TRIM9: variants seen among roughly 807,000 people sequenced by gnomAD.
TRIM9 encodes E3 ubiquitin-protein ligase TRIM9.
TRIM9 carries 26 observed loss-of-function variants against 78.3 expected under a neutral mutation model. That is an observed-to-expected ratio of 0.33 (90% CI 0.24 to 0.46). TRIM9 has a LOEUF of 0.46. Ranked by LOEUF, TRIM9 falls within the 20% of genes least tolerant of loss-of-function variation. The probability of loss-of-function intolerance (pLI) is 1.00; values close to 1 mark genes in which losing one functional copy is unlikely to be tolerated. For synonymous variants in TRIM9, 398 were observed against 416.5 expected (o/e 0.96, Z 0.54); for missense variants, 787 against 1,036.4 (o/e 0.76, Z 3.30).
At chr14:51,037,861 G>A (rs141796240) in intron 1 of TRIM9, among the ~76,000 whole-genome samples, 13 of 152,126 alleles carry the variant, frequency 8.5e-5, no homozygotes, top group African/African-American at 2.9e-4. Flanking sequence ...GGTAAAAGCC[G>A]TTCTTGTTAC....
chr14:50,982,108 G>A lies in TRIM9; in HGVS notation c.1859-5C>T, dbSNP rs373565283. ...GGTCGAAAGCAAACCAGGCCACTGGGAACAACAGAAGGGAATCAGGTTATT... is the reference window on the plus strand; with the variant it reads ...GGTCGAAAGCAAACCAGGCCACTGGAAACAACAGAAGGGAATCAGGTTATT... On this transcript the variant is annotated splice_polypyrimidine_tract_variant and splice_region_variant and intron_variant, in intron 10 of 12. Coordinates refer to ENST00000684578, the MANE Select transcript of TRIM9 (RefSeq NM_001387360.1). 407 of 1,613,404 alleles carry A rather than the reference G, an allele frequency of 2.5e-4. 4 individuals are homozygous for A. The highest frequency in any genetic ancestry group is 1.7e-3 in the South Asian group (158 of 91,042).
rs137967157 is a variant in TRIM9, at chr14:51,094,214, C to T, written c.726G>A (p.Val242=). 1.1e-5 allele frequency: 17 copies of T among 1,614,128 alleles called. No individual in the cohort carries two copies. Among genetic ancestry groups the T allele is most frequent in the Admixed American group, 5.0e-5 (3 of 60,014 alleles). ...GGTAGCACACGGGCATCTTGCATTG[C>T]ACGCAGTACATGCTGTGGTTCTCCA... ...HELENHSMYC[V]QCKMPVCYQC... The change falls in exon 1 of 13, where the codon GTG becomes GTA. Residue 242 remains valine (V), a synonymous_variant. Transcript: ENST00000684578.
At chr14:51,033,971 T>C (rs2058939153) in intron 1 of TRIM9, among the ~76,000 whole-genome samples, 1 of 152,224 alleles carries the variant, frequency 6.6e-6, no homozygotes, top group Non-Finnish European at 1.5e-5. Flanking sequence ...CATGTATCTG[T>C]CCACAAAATA....
intron 1 of TRIM9, among the ~76,000 whole-genome samples, chr14:51,027,115 T>C (rs906404231): frequency 6.7e-6 from 1 of 149,530 alleles, no homozygotes; most frequent in African/African-American, 2.5e-5. Flanking sequence ...GCGTGCTTAA[T>C]AAATGCTGGC....
At chr14:50,988,444 G>C (rs2053016513) in intron 7 of TRIM9, 1 of 152,070 alleles carries the variant, frequency 6.6e-6, no homozygotes, top group African/African-American at 2.4e-5. Flanking sequence ...TTAGTAACTT[G>C]GCATTAAGAT....
chr14:50,988,594 G>A (rs977662491), intron 7 of TRIM9, among the ~76,000 whole-genome samples: 1 of 128,176 alleles, frequency 7.8e-6, no homozygotes, highest in Non-Finnish European at 1.6e-5. Flanking sequence ...TTTTTTTTGA[G>A]TTTTTTCCCC....
chr14:51,076,160 C>A (rs11848207), intron 1 of TRIM9, among the ~76,000 whole-genome samples: 4,565 of 152,114 alleles, frequency 0.03, 243 homozygotes, highest in African/African-American at 0.1. Context: ...ATGAGGAAAC[C>A]GAGGTACAGA....
chr14:51,038,046 G>A (rs2059300547), intron 1 of TRIM9, among the ~76,000 whole-genome samples: 1 of 152,106 alleles, frequency 6.6e-6, no homozygotes, highest in Non-Finnish European at 1.5e-5. Context: ...CCTCTAAAAT[G>A]TCCATGCCCG....
intron 8 of TRIM9, among the ~76,000 whole-genome samples, chr14:50,985,661 T>C (rs1596099101): frequency 6.6e-6 from 1 of 152,204 alleles, no homozygotes; most frequent in Admixed American, 6.5e-5. Context: ...CTGCATGTGA[T>C]GACAGAGCGG....
At chr14:50,978,804 C>T (rs1006355888) in intron 12 of TRIM9, 3 of 636,468 alleles carry the variant, frequency 4.7e-6, no homozygotes, top group Non-Finnish European at 3.9e-6. Context: ...ACACTTATAA[C>T]TGTGCCTGGC....
At chr14:51,071,375 T>TA (rs1175081728) in intron 1 of TRIM9, among the ~76,000 whole-genome samples, 26 of 48,466 alleles carry the variant, frequency 5.4e-4, no homozygotes, top group East Asian at 2.3e-3. Flanking sequence ...AAACTCCGTC[T>TA]AAAAAAAAAA....
At chr14:51,030,196 TGAAGTGG>T (rs999267167) in intron 1 of TRIM9, among the ~76,000 whole-genome samples, 1 of 152,162 alleles carries the variant, frequency 6.6e-6, no homozygotes, top group African/African-American at 2.4e-5. Flanking sequence ...AGAGATTGGG[TGAAGTGG>T]GAATTAAGTA....
intron 1 of TRIM9, among the ~76,000 whole-genome samples, chr14:51,092,218 C>A (rs1032160743): frequency 2.0e-5 from 3 of 152,152 alleles, no homozygotes; most frequent in African/African-American, 7.2e-5. Context: ...AATTTAAATT[C>A]GACTGTTCTG....
At chr14:51,082,492 C>T (rs182180875) in intron 1 of TRIM9, among the ~76,000 whole-genome samples, 30 of 152,112 alleles carry the variant, frequency 2.0e-4, no homozygotes, top group Admixed American at 1.0e-3. Flanking sequence ...AAACATTATG[C>T]GAAGTAAAAG....
chr14:50,991,216 G>A lies in TRIM9; in HGVS notation c.1604-5072C>T, dbSNP rs562818539. On this transcript the variant is annotated intron_variant, in intron 7 of 12. Coordinates refer to ENST00000684578, the MANE Select transcript of TRIM9 (RefSeq NM_001387360.1). ...TCAATTACATACAGAGGATTCCAAA[G>A]AATGAAACTGCTTTCCAGGGTATCA... 1.7e-4 allele frequency among the ~76,000 whole-genome samples: 26 copies of A among 152,266 alleles called. 1 individual carries two copies. In the South Asian group the frequency reaches 5.4e-3, roughly 32 times the overall value.
intron 7 of TRIM9, among the ~76,000 whole-genome samples, chr14:50,995,116 A>G (rs948572470): frequency 3.3e-5 from 5 of 152,090 alleles, no homozygotes; most frequent in African/African-American, 4.8e-5. Flanking sequence ...CCTCCCAAGT[A>G]TCTGGGATTA....
At chr14:51,023,534 A>C (rs762315006) in intron 2 of TRIM9, among the ~76,000 whole-genome samples, 3 of 152,230 alleles carry the variant, frequency 2.0e-5, no homozygotes, top group Non-Finnish European at 2.9e-5. Flanking sequence ...CCCTGCCATA[A>C]AAATCAGATA....
intron 1 of TRIM9, among the ~76,000 whole-genome samples, chr14:51,036,335 C>T (rs114554601): frequency 0.018 from 2,730 of 152,220 alleles, 62 homozygotes; most frequent in African/African-American, 0.053. Flanking sequence ...GTCAGCACAC[C>T]ACTGTATATA....
Position 50,982,049 on chromosome 14 carries a change from T to C in TRIM9, c.1913A>G (p.Asn638Ser), listed in dbSNP as rs757303395. 25 of 1,613,972 alleles carry C rather than the reference T, an allele frequency of 1.5e-5. No homozygotes were observed. In the Admixed American group the frequency reaches 2.7e-4, roughly 17 times the overall value. The change falls in exon 11 of 13, where the codon AAT (asparagine) becomes AGT (serine). Residue 638 changes from asparagine to serine, a missense_variant. By Grantham distance (46) the Asn-to-Ser change is conservative. Coordinates refer to ENST00000684578, the MANE Select transcript of TRIM9 (RefSeq NM_001387360.1). Reference protein sequence around the residue: ...GSAHSDIILSNDNLTVTCSSY... With the variant: ...GSAHSDIILSSDNLTVTCSSY... ...ACTACAGGTCACTGTCAGGTTGTCA[T>C]TGGAGAGGATGATGTCCGAGTGCGC...
Sources: allele counts gnomAD v4.1 joint callset (sites outside exome capture counted in the v4.1 genomes callset), GRCh38; gene constraint gnomAD v4.1.1; transcripts MANE v1.5; gene names NCBI Gene and HGNC (gene_info 2026-07-23, HGNC 2026-07-21).